The following SLC9C2 variants were observed in gnomAD, a reference collection of about 807,000 sequenced individuals.
SLC9C2 encodes the protein solute carrier family 9 member C2 (putative).
In SLC9C2, 75 loss-of-function variants were observed where a neutral mutation model predicts 140.2. That is an observed-to-expected ratio of 0.53 (90% CI 0.44 to 0.65). SLC9C2 has a LOEUF of 0.65. Ranked by LOEUF, SLC9C2 falls within the 30% of genes least tolerant of loss-of-function variation. The probability of loss-of-function intolerance (pLI) is 0.00; values close to 1 mark genes in which losing one functional copy is unlikely to be tolerated. For synonymous variants in SLC9C2, 375 were observed against 420.9 expected, an observed-to-expected ratio of 0.89 and a Z score of 1.34; for missense variants, 1,074 against 1,331.8, an observed-to-expected ratio of 0.81 and a Z score of 3.01.
At chr1:173,569,791 A>G (rs1664728644) in intron 9 of SLC9C2, among the ~76,000 whole-genome samples, 1 of 152,164 alleles carries the variant, frequency 6.6e-6, no homozygotes, top group African/African-American at 2.4e-5. Flanking sequence ...CCCAAAAAGA[A>G]ATAAAAAATA....
At position 173,517,701 on chromosome 1, in the gene SLC9C2, G is replaced by A; in HGVS notation, c.2743C>T (p.His915Tyr). 1 of 1,600,718 alleles carries A rather than the reference G, an allele frequency of 6.2e-7. No individual in the cohort carries two copies. The highest frequency in any genetic ancestry group is 1.1e-5 in the South Asian group (1 of 87,618). ...YLIISGMAIL[H>Y]SLSPTFGIES... ...ATTCCAAAGGTAGGAGATAAACTAT[G>A]CAACTGCAAAGGGAAAAAAAGTGTG... Residue 915 changes from histidine (H) to tyrosine (Y), a missense_variant, in exon 23 of 28, where the codon CAT (histidine) becomes TAT (tyrosine). By Grantham distance (83) the His-to-Tyr change is moderately conservative. Coordinates refer to ENST00000367714, the MANE Select transcript of SLC9C2 (RefSeq NM_178527.4).
intron 23 of SLC9C2, among the ~76,000 whole-genome samples, chr1:173,515,138 G>A (rs1571441528): frequency 6.6e-6 from 1 of 152,088 alleles, no homozygotes; most frequent in South Asian, 2.1e-4. Context: ...TCTTGGGGTT[G>A]ATCTTCTCAT....
chr1:173,515,823 G>A (rs556318154), intron 23 of SLC9C2, among the ~76,000 whole-genome samples: 1 of 152,180 alleles, frequency 6.6e-6, no homozygotes, highest in Non-Finnish European at 1.5e-5. Flanking sequence ...CTTTGAGGCT[G>A]TTGACCCTTA....
At chr1:173,598,520 A>G (rs1469955296) in intron 3 of SLC9C2, among the ~76,000 whole-genome samples, 9 of 152,234 alleles carry the variant, frequency 5.9e-5, no homozygotes, top group African/African-American at 1.7e-4. Flanking sequence ...GATTGTATAC[A>G]TAAGACATAA....
intron 17 of SLC9C2, among the ~76,000 whole-genome samples, chr1:173,532,488 G>A (rs1661648331): frequency 6.6e-6 from 1 of 152,170 alleles, no homozygotes; most frequent in Non-Finnish European, 1.5e-5. Context: ...ATGGAATGAA[G>A]GCATAGTAAT....
intron 17 of SLC9C2, among the ~76,000 whole-genome samples, chr1:173,533,182 T>C (rs1239634892): frequency 6.6e-6 from 1 of 152,206 alleles, no homozygotes; most frequent in Non-Finnish European, 1.5e-5. Context: ...ACTCCTGCTC[T>C]CATTTCTTTC....
At chr1:173,535,747 GGAAAATT>G in intron 15 of SLC9C2, 76 bp downstream of exon 15, 1 of 1,375,330 alleles carries the variant, frequency 7.3e-7, no homozygotes, top group Non-Finnish European at 9.6e-7. Context: ...TCTCAAATAA[GGAAAATT>G]GAGATAAGCT....
At chr1:173,506,797 A>T in intron 25 of SLC9C2, 59 bp downstream of exon 25, 2 of 1,424,370 alleles carry the variant, frequency 1.4e-6, no homozygotes, top group Non-Finnish European at 1.9e-6. Flanking sequence ...GTTGAGTTTT[A>T]AAGTCACTTT....
intron 3 of SLC9C2, among the ~76,000 whole-genome samples, chr1:173,599,362 A>ATGTTTTTT (rs1666635842): frequency 1.5e-5 from 1 of 68,082 alleles, no homozygotes; most frequent in Non-Finnish European, 2.8e-5. Flanking sequence ...ATTTTCCTTG[A>ATGTTTTTT]TTTTTTTTTT....
intron 27 of SLC9C2, 57 bp from the exon 28 acceptor site, chr1:173,501,154 CT>C: frequency 6.8e-7 from 1 of 1,463,816 alleles, no homozygotes; most frequent in East Asian, 2.5e-5. Flanking sequence ...GGAAAAACTT[CT>C]TACCTATTAA....
At chr1:173,534,849 T>C (rs773780560) in intron 15 of SLC9C2, among the ~76,000 whole-genome samples, 167 bp from the exon 16 acceptor site, 1 of 151,818 alleles carries the variant, frequency 6.6e-6, no homozygotes, top group African/African-American at 2.4e-5. Context: ...AAAATCATAA[T>C]GAAGAAAGGT....
intron 12 of SLC9C2, 114 bp downstream of exon 12, chr1:173,548,275 C>T: frequency 1.9e-6 from 2 of 1,040,506 alleles, no homozygotes; most frequent in Non-Finnish European, 2.8e-6. Flanking sequence ...AACTATCTCC[C>T]CTCAGTTTTG....
chr1:173,540,529 T>C (rs1346302410), intron 13 of SLC9C2, among the ~76,000 whole-genome samples: 1 of 151,984 alleles, frequency 6.6e-6, no homozygotes, highest in Non-Finnish European at 1.5e-5. Flanking sequence ...AGACTGTTAG[T>C]GGAAGCTGGA....
intron 9 of SLC9C2, among the ~76,000 whole-genome samples, chr1:173,561,842 TACACACACACACAGACACAGAC>T (rs1190509152): frequency 7.5e-6 from 1 of 133,952 alleles, no homozygotes; most frequent in African/African-American, 3.4e-5. Flanking sequence ...TCACATAAGA[TACACACACACACAGACACAGAC>T]ACACACACAC....
intron 7 of SLC9C2, among the ~76,000 whole-genome samples, chr1:173,577,770 T>C (rs891311824): frequency 5.9e-5 from 9 of 152,222 alleles, no homozygotes; most frequent in African/African-American, 2.2e-4. Flanking sequence ...CTGTTAATTG[T>C]TTTTATCTAC....
At chr1:173,559,796 C>T (rs556399559) in intron 9 of SLC9C2, among the ~76,000 whole-genome samples, 8 of 152,302 alleles carry the variant, frequency 5.3e-5, no homozygotes, top group African/African-American at 1.9e-4. Context: ...TAGCCTTAGG[C>T]CCATGTCACT....
At chr1:173,587,275 C>G (rs548516895) in intron 5 of SLC9C2, among the ~76,000 whole-genome samples, 2 of 152,236 alleles carry the variant, frequency 1.3e-5, no homozygotes, top group East Asian at 3.9e-4. Context: ...GTAGCAAGGC[C>G]TTGGAATAGT....
At chr1:173,590,263 T>G (rs558417619) in intron 4 of SLC9C2, among the ~76,000 whole-genome samples, 3 of 143,136 alleles carry the variant, frequency 2.1e-5, no homozygotes, top group East Asian at 2.0e-4. Flanking sequence ...AAAAAAGAAA[T>G]AACAGAGTAT....
intron 12 of SLC9C2, 55 bp downstream of exon 12, chr1:173,548,334 T>A (rs2102058400): frequency 6.5e-7 from 1 of 1,535,610 alleles, no homozygotes; most frequent in Non-Finnish European, 8.8e-7. Context: ...CTAAAGCAAG[T>A]GAGGCAGACC....
Sources: gnomAD v4.1 joint callset for allele counts (sites outside exome capture counted in the v4.1 genomes callset) on GRCh38, gnomAD v4.1.1 for gene constraint, MANE v1.5 for transcripts, NCBI Gene and HGNC (gene_info 2026-07-23, HGNC 2026-07-21) for gene names.